Variants in RNF19A observed in about 807,000 individuals in gnomAD.
The protein encoded by RNF19A is ring finger protein 19A, RBR E3 ubiquitin protein ligase.
Under a neutral mutation model 75.7 loss-of-function variants are expected in RNF19A, and 32 were observed. That is an observed-to-expected ratio of 0.42 (90% CI 0.32 to 0.57). The LOEUF (loss-of-function observed/expected upper bound fraction) is 0.57, where lower values mean the gene tolerates loss of function less well. RNF19A is among the 20% of genes least tolerant of loss of function. RNF19A has a pLI of 0.10. For synonymous variants in RNF19A, 335 were observed against 345.2 expected, an observed-to-expected ratio of 0.97 and a Z score of 0.33; for missense variants, 782 against 1,036.3, an observed-to-expected ratio of 0.75 and a Z score of 3.37.
chr8:100,260,115 AT>A lies in RNF19A; in HGVS notation c.1683-119del. On this transcript the variant is annotated intron_variant, in intron 8 of 9. Transcript: ENST00000341084. The surrounding 1 kb of genome is among the most constrained non-coding windows in gnomAD (Gnocchi z 4.1). The stretch of plus-strand genomic sequence containing the variant: ...ACCAGAAGCTATTTTAGGAACCATT[AT>A]TTTTTATTTCCTTTTATTTAATTTA... The A allele has an allele frequency of 1.2e-6, 1 of 859,820 alleles. No individual in the cohort carries two copies. Among genetic ancestry groups the A allele is most frequent in the Non-Finnish European group, 1.8e-6 (1 of 549,546 alleles). The allele number at this position is 859,820 out of a possible 1,614,324, so 53.3% of individuals were successfully genotyped here.
In RNF19A at chr8:100,269,692, T is replaced by C. The variant is rs184283790; in HGVS notation, c.1028+177A>G. On this transcript the variant is annotated intron_variant, in intron 4 of 9. Transcript: ENST00000341084. The surrounding 1 kb of genome is among the most constrained non-coding windows in gnomAD (Gnocchi z 5.7). The stretch of plus-strand genomic sequence containing the variant: ...AAAAAGGAAATATCCATTTCCTATT[T>C]TGACTAGTTATTAATTCCAAATGAC... Among the ~76,000 whole-genome samples the C allele has an allele frequency of 8.5e-5, 13 of 152,314 alleles. No individual in the cohort carries two copies. The highest frequency in any genetic ancestry group is 8.5e-4 in the Admixed American group (13 of 15,298).
At chr8:100,316,196 G>T (rs1358812820) in intron 1 of RNF19A, among the ~76,000 whole-genome samples, 1 of 152,084 alleles carries the variant, frequency 6.6e-6, no homozygotes, top group Non-Finnish European at 1.5e-5. Flanking sequence ...CTTCCTCCCA[G>T]TGGGCTTGTG....
At chr8:100,291,967 CTTTT>C (rs56737985) in intron 1 of RNF19A, among the ~76,000 whole-genome samples, 6,389 of 100,116 alleles carry the variant, frequency 0.064, 426 homozygotes, top group African/African-American at 0.22. Flanking sequence ...AGGACTAAGT[CTTTT>C]TTTTTTTTTT....
At chr8:100,312,736 C>A (rs1657059524), upstream of RNF19A, among the ~76,000 whole-genome samples, 1 of 151,900 alleles carries the variant, frequency 6.6e-6, no homozygotes, top group African/African-American at 2.4e-5. Context: ...CCAGCCGGGA[C>A]AACATGATGA....
intron 1 of RNF19A, among the ~76,000 whole-genome samples, chr8:100,301,276 C>T (rs965111320): frequency 1.3e-5 from 2 of 152,214 alleles, no homozygotes; most frequent in Non-Finnish European, 2.9e-5. Context: ...ACACAGCTAA[C>T]GTGGCAGAGC....
chr8:100,330,243 G>A lies in RNF19A; in HGVS notation c.-243+5865C>T, dbSNP rs1482711337. 1.3e-5 allele frequency among the ~76,000 whole-genome samples: 2 copies of A among 152,128 alleles called. No homozygotes were observed. Among genetic ancestry groups the A allele is most frequent in the Admixed American group, 1.3e-4 (2 of 15,274 alleles). On this transcript the variant is annotated intron_variant, in intron 1 of 3. Transcript: ENST00000519527. This position sits in a 1 kb window ranked among gnomAD's most constrained non-coding sequence, Gnocchi z 4.1. ...TCTTTCTAATTTTTGTTAAGGAAGG[G>A]AACAACTGTCGTTTGATCTTGTTTT...
In RNF19A at chr8:100,269,614, A is replaced by G. The variant is rs1299991656; in HGVS notation, c.1028+255T>C. On this transcript the variant is annotated intron_variant, in intron 4 of 9. Coordinates refer to ENST00000341084, the MANE Select transcript of RNF19A (RefSeq NM_183419.4). The surrounding 1 kb of genome is among the most constrained non-coding windows in gnomAD (Gnocchi z 5.7). ...AAATGAAAGTATTTATGGGTCTAGC[A>G]TAATTACACAGGGTATTACATACTT... 6.6e-6 allele frequency among the ~76,000 whole-genome samples: 1 copy of G among 152,182 alleles called. No homozygotes were observed. Among genetic ancestry groups the G allele is most frequent in the Non-Finnish European group, 1.5e-5 (1 of 67,998 alleles).
chr8:100,306,729 AAAT>A (rs1179667920), intron 1 of RNF19A, among the ~76,000 whole-genome samples: 1 of 152,192 alleles, frequency 6.6e-6, no homozygotes, highest in Non-Finnish European at 1.5e-5. Context: ...TTCAGCAAGG[AAAT>A]ATTATCCCTT....
intron 1 of RNF19A, among the ~76,000 whole-genome samples, chr8:100,292,009 T>C (rs970469232): frequency 3.6e-5 from 5 of 138,196 alleles, no homozygotes; most frequent in African/African-American, 1.4e-4. Context: ...ATGGAATAGG[T>C]ACAGATAATT....
rs1821072611 is a variant in RNF19A, at chr8:100,287,345, T to C, written c.674+156A>G. On this transcript the variant is annotated intron_variant, in intron 2 of 9. Transcript: ENST00000341084. The surrounding 1 kb of genome is among the most constrained non-coding windows in gnomAD (Gnocchi z 4.1). ...ATGAGTAAGATAGGATCACTGCCTT[T>C]AACACCTAGCATAGTGCCTGACATA... is the stretch of plus-strand genomic sequence containing the variant. 6.6e-6 allele frequency among the ~76,000 whole-genome samples: 1 copy of C among 152,214 alleles called. No individual in the cohort carries two copies. Among genetic ancestry groups the C allele is most frequent in the Non-Finnish European group, 1.5e-5 (1 of 68,026 alleles).
intron 5 of RNF19A, among the ~76,000 whole-genome samples, chr8:100,267,650 G>A (rs1400179208): frequency 6.6e-6 from 1 of 151,158 alleles, no homozygotes; most frequent in Non-Finnish European, 1.5e-5. Flanking sequence ...GATGACAGGA[G>A]TAAGCCACCA....
In RNF19A at chr8:100,284,752, A is replaced by AT; in HGVS notation, c.674+2748dup. Among the ~76,000 whole-genome samples the AT allele has an allele frequency of 6.6e-6, 1 of 152,128 alleles. No individual in the cohort carries two copies. The highest frequency in any genetic ancestry group is 1.5e-5 in the Non-Finnish European group (1 of 67,958). ...TATCCCAAAGTATGAGTTTCTGATT[A>AT]TTTTTATTAAGAAATATCACATATA... On this transcript the variant is annotated intron_variant, in intron 2 of 9. Transcript: ENST00000341084. This position sits in a 1 kb window ranked among gnomAD's most constrained non-coding sequence, Gnocchi z 4.3.
intron 1 of RNF19A, among the ~76,000 whole-genome samples, chr8:100,304,576 C>CCTATATAAAAAGTCCCATTTATT (rs1276550167): frequency 1.3e-5 from 2 of 152,144 alleles, no homozygotes; most frequent in Non-Finnish European, 2.9e-5. Context: ...TTTAAGGATG[C>CCTATATAAAAAGTCCCATTTATT]CTATATAAAA....
chr8:100,257,698 A>C lies in RNF19A; in HGVS notation c.*858T>G. On this transcript the variant is annotated 3_prime_UTR_variant, in exon 10 of 10. Coordinates refer to ENST00000341084, the MANE Select transcript of RNF19A (RefSeq NM_183419.4). ...AAGGTGACCAGAGAAGACATGGAAA[A>C]CAACACAGCAAAATCCTCAAATAAC... 2 of 268,306 alleles carry C rather than the reference A, an allele frequency of 7.5e-6. No individual in the cohort carries two copies. The highest frequency in any genetic ancestry group is 1.4e-5 in the Non-Finnish European group (2 of 144,204). The allele number at this position is 268,306 out of a possible 1,614,324, so 16.6% of individuals were successfully genotyped here. A position where few individuals can be genotyped will look rare whatever the true frequency, so the allele number is the denominator to read the frequency against.
At chr8:100,277,334 CAG>C (rs1259532453) in intron 2 of RNF19A, among the ~76,000 whole-genome samples, 2 of 151,986 alleles carry the variant, frequency 1.3e-5, no homozygotes, top group African/African-American at 2.4e-5. Flanking sequence ...TTTTTTGAGA[CAG>C]AGTCTCGCTT....
chr8:100,279,375 G>A (rs1382638082), intron 2 of RNF19A, among the ~76,000 whole-genome samples: 1 of 151,792 alleles, frequency 6.6e-6, no homozygotes, highest in East Asian at 1.9e-4. Flanking sequence ...GTTTTGTTTT[G>A]TTTTGTTTTG....
intron 1 of RNF19A, among the ~76,000 whole-genome samples, chr8:100,288,486 T>G (rs186664481): frequency 6.6e-6 from 1 of 152,194 alleles, no homozygotes; most frequent in Non-Finnish European, 1.5e-5. Flanking sequence ...GATTCTAGAT[T>G]TGAGCTGACC....
intron 1 of RNF19A, among the ~76,000 whole-genome samples, chr8:100,295,677 C>A (rs555040134): frequency 1.3e-5 from 2 of 151,994 alleles, no homozygotes; most frequent in Admixed American, 1.3e-4. Context: ...TAGCTGACTA[C>A]CAAAAAATAG....
At chr8:100,316,366 T>C (rs1299455192) in intron 1 of RNF19A, among the ~76,000 whole-genome samples, 1 of 152,176 alleles carries the variant, frequency 6.6e-6, no homozygotes, top group Non-Finnish European at 1.5e-5. Flanking sequence ...GGGTTGCCAC[T>C]GCTGTCCCGG....
Sources: allele counts gnomAD v4.1 joint callset (sites outside exome capture counted in the v4.1 genomes callset), GRCh38; gene constraint gnomAD v4.1.1; non-coding constraint Gnocchi (gnomAD v3.1); transcripts MANE v1.5; gene names NCBI Gene and HGNC (gene_info 2026-07-23, HGNC 2026-07-21).